DTNB: variants seen among roughly 807,000 people sequenced by gnomAD.
DTNB encodes dystrobrevin beta, also known as DTN-B.
DTNB carries 63 observed loss-of-function variants against 90.7 expected under a neutral mutation model. The ratio of observed to expected loss-of-function variants is 0.69; its 90% CI spans 0.57 to 0.86. DTNB has a LOEUF of 0.86. Ranked by LOEUF, DTNB falls within the 40% of genes least tolerant of loss-of-function variation. DTNB has a pLI of 0.00. For synonymous variants in DTNB, 277 were observed against 286.7 expected, an observed-to-expected ratio of 0.97 and a Z score of 0.34; for missense variants, 744 against 807.1, an observed-to-expected ratio of 0.92 and a Z score of 0.95.
At chr2:25,543,326 G>C (rs2081714567) in intron 8 of DTNB, among the ~76,000 whole-genome samples, 1 of 148,846 alleles carries the variant, frequency 6.7e-6, no homozygotes, top group Admixed American at 6.7e-5. Flanking sequence ...TTTTTTTTGA[G>C]ACACAGTCTT....
chr2:25,626,614 C>A (rs951742810), intron 4 of DTNB, among the ~76,000 whole-genome samples: 5 of 152,118 alleles, frequency 3.3e-5, no homozygotes, highest in South Asian at 2.1e-4. Context: ...AAGTAAATTT[C>A]TTTAATAATT....
intron 16 of DTNB, among the ~76,000 whole-genome samples, chr2:25,400,910 C>T (rs2043559302): frequency 6.6e-6 from 1 of 152,198 alleles, no homozygotes; most frequent in Admixed American, 6.5e-5. Flanking sequence ...GCTCTCTAGA[C>T]TGCTGGCTCT....
rs528204462 is a variant in DTNB at position 25,576,776 on chromosome 2, G to T, written c.876+62C>A. 242 of 1,483,170 alleles carry T rather than the reference G, an allele frequency of 1.6e-4. No individual in the cohort carries two copies. The African/African-American group carries it at 3.0e-3, about 19-fold the overall frequency. 91.9% of individuals were successfully genotyped at this position (1,483,170 alleles called of 1,614,324 possible). A position where few individuals can be genotyped will look rare whatever the true frequency, so the allele number is the denominator to read the frequency against. ...AGGCATCCATGAGGAAACTGGCCCAGGTGCTGTTACTGATCAAACAGATTA... is the reference window on the plus strand; with the variant it reads ...AGGCATCCATGAGGAAACTGGCCCATGTGCTGTTACTGATCAAACAGATTA... On this transcript the variant is annotated intron_variant, in intron 8 of 20. Coordinates refer to ENST00000406818, the MANE Select transcript of DTNB (RefSeq NM_021907.5).
At position 25,486,632 on chromosome 2, in the gene DTNB, C is replaced by CAAAAA. The variant is rs57903531; in HGVS notation, c.1002-3764_1002-3760dup. Among the ~76,000 whole-genome samples, 333 of 92,306 alleles carry CAAAAA rather than the reference C, an allele frequency of 3.6e-3. 1 individual carries two copies. The highest frequency in any genetic ancestry group is 0.013 in the African/African-American group (320 of 23,736). The allele number at this position is 92,306 out of a possible 152,430, so 60.6% of individuals were successfully genotyped here. On this transcript the variant is annotated intron_variant, in intron 9 of 20. Coordinates refer to ENST00000406818, the MANE Select transcript of DTNB (RefSeq NM_021907.5). Reference sequence around the variant, plus strand: ...TGGGCGACAGAGCAAGACCCTGTCTCAAAAAAAAAAAAAAAAAGGTAATAC... The same window carrying CAAAAA: ...TGGGCGACAGAGCAAGACCCTGTCTCAAAAAAAAAAAAAAAAAAAAAAGGTAATAC...
At chr2:25,479,915 G>A (rs1199104376) in intron 10 of DTNB, among the ~76,000 whole-genome samples, 1 of 152,104 alleles carries the variant, frequency 6.6e-6, no homozygotes, top group Non-Finnish European at 1.5e-5. Context: ...TTCCTGTCTG[G>A]GCAGAGTAAG....
intron 12 of DTNB, among the ~76,000 whole-genome samples, chr2:25,448,911 C>T (rs2058836656): frequency 6.6e-6 from 1 of 151,726 alleles, no homozygotes; most frequent in Non-Finnish European, 1.5e-5. Context: ...AATGTACACT[C>T]CTGCAACCCA....
chr2:25,449,101 G>A (rs2058875990), intron 12 of DTNB, among the ~76,000 whole-genome samples: 1 of 151,940 alleles, frequency 6.6e-6, no homozygotes, highest in African/African-American at 2.4e-5. Flanking sequence ...AAAACAGTAC[G>A]TACTTTTTTT....
intron 6 of DTNB, among the ~76,000 whole-genome samples, chr2:25,588,643 G>A (rs1050313593): frequency 1.3e-5 from 2 of 152,160 alleles, no homozygotes; most frequent in Admixed American, 6.5e-5. Context: ...GAGTACAGGC[G>A]TGAGCCACTG....
chr2:25,547,271 C>CT (rs371065720), intron 8 of DTNB, among the ~76,000 whole-genome samples: 4,139 of 123,834 alleles, frequency 0.033, 137 homozygotes, highest in African/African-American at 0.079. Flanking sequence ...CTGTATACTT[C>CT]TTTTTTTTTT....
intron 12 of DTNB, among the ~76,000 whole-genome samples, chr2:25,440,442 A>T (rs114326108): frequency 3.9e-5 from 6 of 152,290 alleles, no homozygotes; most frequent in Non-Finnish European, 7.4e-5. Context: ...GAAATTTTGT[A>T]CTCTTGCATC....
intron 16 of DTNB, among the ~76,000 whole-genome samples, chr2:25,393,066 C>T (rs2149579005): frequency 6.6e-6 from 1 of 152,252 alleles, no homozygotes; most frequent in East Asian, 1.9e-4. Context: ...ACCAGGGACA[C>T]AGGGATGGTT....
chr2:25,615,207 G>A lies in DTNB; in HGVS notation c.363-7886C>T, dbSNP rs546269711. Reference sequence around the variant, plus strand: ...TGCATAGGGTGTGTTTTACGGGAAGGGGCACACAGCTTCCATGCCTTCCCG... The same window carrying A: ...TGCATAGGGTGTGTTTTACGGGAAGAGGCACACAGCTTCCATGCCTTCCCG... On this transcript the variant is annotated intron_variant, in intron 4 of 20. Coordinates refer to ENST00000406818, the MANE Select transcript of DTNB (RefSeq NM_021907.5). 8.5e-5 allele frequency among the ~76,000 whole-genome samples: 13 copies of A among 152,252 alleles called. No individual in the cohort carries two copies. In the South Asian group the frequency reaches 2.5e-3, roughly 29 times the overall value.
Position 25,550,162 on chromosome 2 carries a change from T to C in DTNB, c.877-18565A>G, listed in dbSNP as rs1028304976. On this transcript the variant is annotated intron_variant, in intron 8 of 20. Transcript: ENST00000406818. ...ATCCCAGCACTTTGGGAGGCCAAGG[T>C]GGGCGGATCACGAGGTCAGGAGATC... Among the ~76,000 whole-genome samples the C allele has an allele frequency of 6.6e-5, 10 of 151,980 alleles. No homozygotes were observed. In the East Asian group the frequency reaches 1.2e-3, roughly 18 times the overall value.
At chr2:25,518,496 C>T (rs2075555673) in intron 9 of DTNB, among the ~76,000 whole-genome samples, 1 of 151,614 alleles carries the variant, frequency 6.6e-6, no homozygotes, top group African/African-American at 2.4e-5. Context: ...CTCTGTCTCT[C>T]ACACACACAC....
At position 25,655,543 on chromosome 2, in the gene DTNB, T is replaced by C. The variant is rs1306461931; in HGVS notation, c.-1-2882A>G. Among the ~76,000 whole-genome samples, 6 of 152,314 alleles carry C rather than the reference T, an allele frequency of 3.9e-5. No individual in the cohort carries two copies. In the South Asian group the frequency reaches 6.2e-4, roughly 16 times the overall value. Reference sequence around the variant, plus strand: ...AGTATAAGACTGGCAAGGAAACGTCTGTTGATATGGGCCACTCTTCCATGA... The same window carrying C: ...AGTATAAGACTGGCAAGGAAACGTCCGTTGATATGGGCCACTCTTCCATGA... On this transcript the variant is annotated intron_variant, in intron 1 of 20. Transcript: ENST00000406818.
At chr2:25,427,180 AACACACACACAC>A (rs3041256) in intron 15 of DTNB, among the ~76,000 whole-genome samples, 45 of 139,654 alleles carry the variant, frequency 3.2e-4, no homozygotes, top group East Asian at 8.5e-4. Context: ...TCCATCTCAA[AACACACACACAC>A]ACACACACAC....
intron 9 of DTNB, among the ~76,000 whole-genome samples, chr2:25,509,788 C>T (rs947977369): frequency 1.2e-4 from 14 of 119,470 alleles, no homozygotes; most frequent in African/African-American, 4.4e-4. Context: ...GTTGCTCTGT[C>T]GCCTAGGCTG....
intron 9 of DTNB, among the ~76,000 whole-genome samples, chr2:25,508,530 G>A (rs1420345651): frequency 7.8e-6 from 1 of 128,852 alleles, no homozygotes; most frequent in Non-Finnish European, 1.6e-5. Context: ...ATGGAGTTTC[G>A]CTCTTTGTTT....
At chr2:25,619,731 G>C (rs1420746829) in intron 4 of DTNB, among the ~76,000 whole-genome samples, 1 of 152,122 alleles carries the variant, frequency 6.6e-6, no homozygotes, top group East Asian at 1.9e-4. Context: ...AATAAGGCAG[G>C]CTACATGGTA....
Sources: allele counts gnomAD v4.1 joint callset (sites outside exome capture counted in the v4.1 genomes callset), GRCh38; gene constraint gnomAD v4.1.1; transcripts MANE v1.5; gene names NCBI Gene and HGNC (gene_info 2026-07-23, HGNC 2026-07-21).